MAGI3: variants seen among roughly 807,000 people sequenced by gnomAD.
MAGI3 encodes the protein membrane associated guanylate kinase, WW and PDZ domain containing 3, also known as membrane-associated guanylate kinase, WW and PDZ domain-containing protein 3.
A neutral mutation model predicts 121.8 loss-of-function variants in MAGI3; 43 were observed. The observed-to-expected ratio is 0.35, with a 90% CI of 0.28 to 0.46. The LOEUF is 0.46. MAGI3 is among the 20% of genes least tolerant of loss of function. The probability of loss-of-function intolerance (pLI) is 1.00; values close to 1 mark genes in which losing one functional copy is unlikely to be tolerated. For missense variants in MAGI3, 1,547 were observed against 1,797.3 expected (o/e 0.86, Z 2.52); for synonymous variants, 553 against 639.3 (o/e 0.86, Z 2.04).
At chr1:113,484,074 A>G (rs1656236656) in intron 1 of MAGI3, among the ~76,000 whole-genome samples, 1 of 152,218 alleles carries the variant, frequency 6.6e-6, no homozygotes, top group Admixed American at 6.5e-5. Context: ...ATTTAGAAAT[A>G]GCAAATGATT....
chr1:113,463,835 A>G (rs1655149275), intron 1 of MAGI3, among the ~76,000 whole-genome samples: 2 of 152,102 alleles, frequency 1.3e-5, no homozygotes, highest in South Asian at 2.1e-4. Flanking sequence ...TTAATACTGT[A>G]TAGAATAGAG....
chr1:113,591,556 C>G (rs2101736643), intron 5 of MAGI3, among the ~76,000 whole-genome samples: 1 of 152,186 alleles, frequency 6.6e-6, no homozygotes, highest in African/African-American at 2.4e-5. Flanking sequence ...AAATAGGATT[C>G]TAGTTTTTAA....
intron 1 of MAGI3, among the ~76,000 whole-genome samples, chr1:113,437,460 T>A (rs1048005893): frequency 6.6e-6 from 1 of 152,106 alleles, no homozygotes; most frequent in Non-Finnish European, 1.5e-5. Context: ...ATAAGTAATT[T>A]GTGTTTTTAA....
chr1:113,512,304 C>T (rs151065194), intron 1 of MAGI3, among the ~76,000 whole-genome samples: 3,967 of 152,226 alleles, frequency 0.026, 85 homozygotes, highest in Non-Finnish European at 0.033. Context: ...CTTAGCTTGG[C>T]TTTAATTGTA....
intron 1 of MAGI3, among the ~76,000 whole-genome samples, chr1:113,473,812 T>A (rs992997541): frequency 6.6e-6 from 1 of 152,216 alleles, no homozygotes; most frequent in Non-Finnish European, 1.5e-5. Context: ...AAATGGTAAT[T>A]CTAGTTCCAG....
At chr1:113,544,763 G>C (rs1232631651) in intron 1 of MAGI3, among the ~76,000 whole-genome samples, 1 of 152,232 alleles carries the variant, frequency 6.6e-6, no homozygotes, top group East Asian at 1.9e-4. Flanking sequence ...ATAGCTCACT[G>C]TCTGAAGAAG....
At chr1:113,618,508 T>C (rs766864580) in intron 7 of MAGI3, 2 of 450,816 alleles carry the variant, frequency 4.4e-6, no homozygotes, top group South Asian at 3.1e-5. Flanking sequence ...TTTATTTTTA[T>C]TTTTTATTTT....
chr1:113,634,408 T>C (rs1651868754), intron 9 of MAGI3, among the ~76,000 whole-genome samples: 1 of 152,236 alleles, frequency 6.6e-6, no homozygotes, highest in Admixed American at 6.5e-5. Context: ...AATTAATTTT[T>C]GTATAAGGTG....
chr1:113,485,791 T>C (rs531406395), intron 1 of MAGI3, among the ~76,000 whole-genome samples: 11 of 152,228 alleles, frequency 7.2e-5, no homozygotes, highest in Non-Finnish European at 1.6e-4. Context: ...ATCTTTATGA[T>C]TTCAGGTTTT....
intron 1 of MAGI3, among the ~76,000 whole-genome samples, chr1:113,449,338 A>G (rs563033461): frequency 7.0e-6 from 1 of 142,772 alleles, no homozygotes; most frequent in Non-Finnish European, 1.5e-5. Context: ...TAAATCCTTT[A>G]TAAGTGTTGC....
chr1:113,535,149 G>GAC (rs1251836267), intron 1 of MAGI3, among the ~76,000 whole-genome samples: 3 of 152,128 alleles, frequency 2.0e-5, no homozygotes, highest in Non-Finnish European at 2.9e-5. Context: ...TTGAAAGCAA[G>GAC]CTGTACTCGG....
At chr1:113,681,170 G>C (rs763714717) in intron 19 of MAGI3, 28 bp from the exon 20 acceptor site, 8 of 1,606,258 alleles carry the variant, frequency 5.0e-6, no homozygotes, top group Non-Finnish European at 6.8e-6. Flanking sequence ...ATAGTTTCAT[G>C]TTGTTCCTGT....
At chr1:113,641,098 TATGATATATA>T (rs1335444497) in intron 9 of MAGI3, among the ~76,000 whole-genome samples, 21 of 67,244 alleles carry the variant, frequency 3.1e-4, no homozygotes, top group Non-Finnish European at 5.8e-4. Flanking sequence ...ATATTATATA[TATGATATATA>T]AATATATATG....
At chr1:113,561,151 G>A (rs1010441286) in intron 2 of MAGI3, among the ~76,000 whole-genome samples, 2 of 152,150 alleles carry the variant, frequency 1.3e-5, no homozygotes, top group African/African-American at 4.8e-5. Context: ...AAAAGCCCAG[G>A]ACCAGATGGA....
rs369330187 is a variant in MAGI3 at position 113,580,563 on chromosome 1, A to G, written c.455A>G (p.Asp152Gly). 1.1e-5 allele frequency: 18 copies of G among 1,610,472 alleles called. No homozygotes were observed. The highest frequency in any genetic ancestry group is 4.5e-5 in the East Asian group (2 of 44,746). The part of the protein sequence containing the change: ...TIPCTTRAPR[D>G]GEVPGVDYNF... ...TTAGGCACTACAAGGGCCCCCAGGG[A>G]TGGAGAAGTACCAGGAGTGGATTAT... The change falls in exon 3 of 21, where the codon GAT (aspartate) becomes GGT (glycine). Residue 152 changes from aspartate (D) to glycine (G), a missense_variant. Asp to Gly is a moderately conservative substitution (Grantham distance 94). Transcript: ENST00000307546.
rs1570645159 is a variant in MAGI3 at position 113,416,629 on chromosome 1, G to A, written c.316+25280G>A. Among the ~76,000 whole-genome samples the A allele has an allele frequency of 4.0e-5, 6 of 149,830 alleles. No homozygotes were observed. The Admixed American group carries it at 4.1e-4, about 10-fold the overall frequency. ...TAGAACTGATGCCTGGGATGAGGAA[G>A]AGATATCAGGTATCAAAGTTAACAA... On this transcript the variant is annotated intron_variant, in intron 1 of 20. Transcript: ENST00000307546.
At chr1:113,475,818 G>T (rs570001619) in intron 1 of MAGI3, among the ~76,000 whole-genome samples, 6 of 152,252 alleles carry the variant, frequency 3.9e-5, no homozygotes, top group Non-Finnish European at 8.8e-5. Context: ...GCTCCTCTTT[G>T]TACCTCTGGT....
At chr1:113,570,846 T>C (rs1357049122) in intron 2 of MAGI3, among the ~76,000 whole-genome samples, 4 of 152,236 alleles carry the variant, frequency 2.6e-5, no homozygotes, top group Non-Finnish European at 4.4e-5. Context: ...ATAGGTTGCC[T>C]GTTCACTCTG....
intron 4 of MAGI3, among the ~76,000 whole-genome samples, chr1:113,585,967 AC>A (rs1648341393): frequency 6.6e-6 from 1 of 152,224 alleles, no homozygotes; most frequent in Non-Finnish European, 1.5e-5. Context: ...TTCAGCCTAA[AC>A]AAAGTAAATA....
Sources: gnomAD v4.1 joint callset for allele counts (sites outside exome capture counted in the v4.1 genomes callset) on GRCh38, gnomAD v4.1.1 for gene constraint, MANE v1.5 for transcripts, NCBI Gene and HGNC (gene_info 2026-07-23, HGNC 2026-07-21) for gene names.